The following KLF12 variants were observed in gnomAD, a reference collection of about 807,000 sequenced individuals.
KLF12 encodes the protein Krueppel-like factor 12.
Under a neutral mutation model 37.8 loss-of-function variants are expected in KLF12, and 9 were observed. That is an observed-to-expected ratio of 0.24 (90% confidence interval 0.14 to 0.42). The LOEUF is 0.42. KLF12 is among the 10% of genes least tolerant of loss of function. KLF12 has a pLI of 1.00. For synonymous variants in KLF12, 208 were observed against 202.1 expected (o/e 1.03, Z -0.25); for missense variants, 411 against 516.0 (o/e 0.80, Z 1.97).
chr13:74,149,191 T>A, the KLF12 span, among the ~76,000 whole-genome samples: 1 of 152,230 alleles, frequency 6.6e-6, no homozygotes, highest in Non-Finnish European at 1.5e-5. Context: ...AGAGGTCATC[T>A]ATATGCTGAC....
At chr13:73,727,220 C>T (rs1308887818) in intron 6 of KLF12, among the ~76,000 whole-genome samples, 1 of 151,956 alleles carries the variant, frequency 6.6e-6, no homozygotes, top group African/African-American at 2.4e-5. Flanking sequence ...CGATTTAGTT[C>T]ACTTTATTAT....
chr13:73,749,909 T>C (rs1448771703), intron 6 of KLF12, among the ~76,000 whole-genome samples: 3 of 152,190 alleles, frequency 2.0e-5, no homozygotes, highest in African/African-American at 7.2e-5. Context: ...TAAAGCTCTT[T>C]CCTACATACT....
intron 2 of KLF12, among the ~76,000 whole-genome samples, chr13:73,973,013 T>A (rs1380256398): frequency 2.0e-5 from 3 of 152,154 alleles, no homozygotes; most frequent in African/African-American, 4.8e-5. Context: ...TTTTAAATGA[T>A]AAGCAATTTG....
At chr13:74,229,806 C>T in the KLF12 span, among the ~76,000 whole-genome samples, 8 of 152,150 alleles carry the variant, frequency 5.3e-5, no homozygotes, top group African/African-American at 1.9e-4. Flanking sequence ...GTCAGTTCTG[C>T]TTCTTATACA....
At chr13:74,116,533 G>C (rs1877311791) in intron 1 of KLF12, among the ~76,000 whole-genome samples, 1 of 152,112 alleles carries the variant, frequency 6.6e-6, no homozygotes. Flanking sequence ...ACAATCCCTT[G>C]CACATCATGA....
At chr13:74,111,746 T>C (rs990258578) in intron 1 of KLF12, among the ~76,000 whole-genome samples, 1 of 152,178 alleles carries the variant, frequency 6.6e-6, no homozygotes, top group Non-Finnish European at 1.5e-5. Context: ...AAAAGTACTA[T>C]GAGTTACTAA....
intron 1 of KLF12, among the ~76,000 whole-genome samples, chr13:74,117,966 A>C (rs780883457): frequency 6.6e-6 from 1 of 151,352 alleles, no homozygotes; most frequent in Non-Finnish European, 1.5e-5. Flanking sequence ...GTAGACATTA[A>C]TGGAAAAGCC....
chr13:73,897,075 C>T (rs1887805325), intron 3 of KLF12, among the ~76,000 whole-genome samples: 1 of 150,600 alleles, frequency 6.6e-6, no homozygotes, highest in Non-Finnish European at 1.5e-5. Context: ...TACACCCATA[C>T]TTAAGCTCTA....
At chr13:73,963,480 A>G (rs1314927962) in intron 2 of KLF12, among the ~76,000 whole-genome samples, 1 of 152,168 alleles carries the variant, frequency 6.6e-6, no homozygotes, top group Admixed American at 6.5e-5. Context: ...TTTATTTTCA[A>G]TTTTAGAATG....
At chr13:73,925,806 C>G (rs1459325079) in intron 3 of KLF12, among the ~76,000 whole-genome samples, 1 of 152,066 alleles carries the variant, frequency 6.6e-6, no homozygotes, top group Admixed American at 6.6e-5. Flanking sequence ...AACATTAACA[C>G]GAGTTTGGAA....
intron 2 of KLF12, among the ~76,000 whole-genome samples, chr13:73,946,304 C>T (rs1438281594): frequency 1.3e-5 from 2 of 152,164 alleles, no homozygotes; most frequent in Non-Finnish European, 2.9e-5. Context: ...TGATTAGAGG[C>T]TAATGTCCCT....
At chr13:73,935,915 T>C (rs77542001) in intron 3 of KLF12, among the ~76,000 whole-genome samples, 12,343 of 152,246 alleles carry the variant, frequency 0.081, 670 homozygotes, top group Non-Finnish European at 0.12. Flanking sequence ...CTCAGGTATT[T>C]CTTTACAGCA....
intron 1 of KLF12, among the ~76,000 whole-genome samples, chr13:74,041,530 AT>A (rs1018790788): frequency 3.3e-5 from 5 of 152,168 alleles, no homozygotes; most frequent in Non-Finnish European, 7.4e-5. Context: ...TAGAGCTAAA[AT>A]TTTGATAAGT....
At chr13:74,265,170 C>A in the KLF12 span, among the ~76,000 whole-genome samples, 1 of 152,108 alleles carries the variant, frequency 6.6e-6, no homozygotes, top group Non-Finnish European at 1.5e-5. Context: ...ATTGTGGCTT[C>A]TCTTGTCAGT....
the KLF12 span, among the ~76,000 whole-genome samples, chr13:74,196,057 T>C: frequency 1.3e-5 from 2 of 152,256 alleles, no homozygotes; most frequent in Non-Finnish European, 2.9e-5. Flanking sequence ...ATATAGCCTT[T>C]CATTAGCTCT....
the KLF12 span, among the ~76,000 whole-genome samples, chr13:74,283,578 A>G: frequency 1.3e-5 from 2 of 152,190 alleles, no homozygotes; most frequent in Non-Finnish European, 2.9e-5. Flanking sequence ...AGTATGCACT[A>G]GTGGGCAGAC....
the KLF12 span, among the ~76,000 whole-genome samples, chr13:74,223,602 A>G: frequency 1.3e-5 from 2 of 152,202 alleles, no homozygotes; most frequent in African/African-American, 2.4e-5. Context: ...TGAATGGAAT[A>G]GAGATGGAAA....
At chr13:73,892,006 A>G (rs1479441597) in intron 3 of KLF12, among the ~76,000 whole-genome samples, 1 of 150,590 alleles carries the variant, frequency 6.6e-6, no homozygotes, top group Non-Finnish European at 1.5e-5. Flanking sequence ...TGACTTGTCT[A>G]TAGCATTCAT....
intron 1 of KLF12, among the ~76,000 whole-genome samples, chr13:74,124,324 C>T (rs1418920032): frequency 6.6e-6 from 1 of 152,192 alleles, no homozygotes; most frequent in South Asian, 2.1e-4. Context: ...CTTCAAGCAA[C>T]ACTTCTGATA....
Sources: gnomAD v4.1 joint callset for allele counts (sites outside exome capture counted in the v4.1 genomes callset) on GRCh38, gnomAD v4.1.1 for gene constraint, MANE v1.5 for transcripts, NCBI Gene and HGNC (gene_info 2026-07-23, HGNC 2026-07-21) for gene names.